NRG1: variants seen among roughly 807,000 people sequenced by gnomAD.
NRG1 encodes the protein neuregulin 1.
A neutral mutation model predicts 63.8 loss-of-function variants in NRG1; 18 were observed. That is an observed-to-expected ratio of 0.28 (90% CI 0.19 to 0.42). The LOEUF (loss-of-function observed/expected upper bound fraction) is 0.42, where lower values mean the gene tolerates loss of function less well. Ranked by LOEUF, NRG1 falls within the 10% of genes least tolerant of loss-of-function variation. The pLI is 1.00. For synonymous variants in NRG1, 302 were observed against 301.3 expected (o/e 1.00, Z -0.02); for missense variants, 762 against 814.7 (o/e 0.94, Z 0.79).
chr8:31,972,473 T>A (rs781586908), intron 1 of NRG1, among the ~76,000 whole-genome samples: 1 of 152,180 alleles, frequency 6.6e-6, no homozygotes, highest in Non-Finnish European at 1.5e-5. Context: ...CAAGAACCTC[T>A]CATATCTCAG....
chr8:32,648,492 T>C, intron 5 of NRG1: 2 of 1,449,964 alleles, frequency 1.4e-6, no homozygotes, highest in Non-Finnish European at 1.8e-6. Context: ...TGCCTGGTTT[T>C]GTTTAAGCAA....
chr8:32,201,642 G>A (rs1016061174), intron 1 of NRG1, among the ~76,000 whole-genome samples: 3 of 152,164 alleles, frequency 2.0e-5, no homozygotes, highest in African/African-American at 4.8e-5. Flanking sequence ...GTGCTTCTAA[G>A]TATCTTTGTT....
intron 5 of NRG1, among the ~76,000 whole-genome samples, chr8:32,632,025 T>C (rs568631932): frequency 1.3e-5 from 2 of 152,302 alleles, no homozygotes; most frequent in East Asian, 1.9e-4. Context: ...AATAAGTTAA[T>C]AGCAAAGTAA....
At chr8:32,646,561 C>T (rs1853584615) in intron 5 of NRG1, among the ~76,000 whole-genome samples, 1 of 152,104 alleles carries the variant, frequency 6.6e-6, no homozygotes, top group Non-Finnish European at 1.5e-5. Context: ...CCACCCCATC[C>T]CCATCCCAGC....
intron 5 of NRG1, among the ~76,000 whole-genome samples, chr8:32,675,518 A>G (rs1485482152): frequency 6.6e-6 from 1 of 152,226 alleles, no homozygotes; most frequent in Non-Finnish European, 1.5e-5. Flanking sequence ...TTGTCTACAG[A>G]TAAAAACACC....
intron 1 of NRG1, among the ~76,000 whole-genome samples, chr8:32,152,846 T>C (rs767340961): frequency 7.2e-5 from 11 of 152,244 alleles, no homozygotes; most frequent in Non-Finnish European, 1.6e-4. Context: ...ATTTGCCTGC[T>C]GTGATAAATA....
chr8:32,095,543 A>G (rs1355087573), intron 1 of NRG1, among the ~76,000 whole-genome samples: 3 of 152,216 alleles, frequency 2.0e-5, no homozygotes, highest in African/African-American at 4.8e-5. Flanking sequence ...TTTATAGACC[A>G]TCTTTTTAAT....
At chr8:31,694,285 G>A (rs1809828423) in intron 1 of NRG1, among the ~76,000 whole-genome samples, 1 of 152,102 alleles carries the variant, frequency 6.6e-6, no homozygotes, top group Non-Finnish European at 1.5e-5. Context: ...TGTGGTATTC[G>A]ACACGGGTTC....
intron 7 of NRG1, among the ~76,000 whole-genome samples, chr8:32,751,856 C>G (rs1828804038): frequency 6.6e-6 from 1 of 151,640 alleles, no homozygotes; most frequent in Non-Finnish European, 1.5e-5. Context: ...GCAGCTCAAT[C>G]TATTCTTCTG....
chr8:31,793,844 C>T (rs931873023), intron 1 of NRG1, among the ~76,000 whole-genome samples: 1 of 152,126 alleles, frequency 6.6e-6, no homozygotes, highest in African/African-American at 2.4e-5. Flanking sequence ...CTTTCCAGTA[C>T]CACCTTTGAA....
At chr8:32,008,179 G>T (rs78934790) in intron 1 of NRG1, among the ~76,000 whole-genome samples, 5,435 of 152,078 alleles carry the variant, frequency 0.036, 311 homozygotes, top group African/African-American at 0.12. Flanking sequence ...TAGTGAAGAA[G>T]AGTGTCGGCT....
chr8:32,705,406 C>CGTAAT (rs1816133122), intron 5 of NRG1, among the ~76,000 whole-genome samples: 1 of 152,194 alleles, frequency 6.6e-6, no homozygotes, highest in African/African-American at 2.4e-5. Flanking sequence ...GCTGAGATTA[C>CGTAAT]AGGCGTGAGC....
At chr8:32,070,784 A>G (rs1825645415) in intron 1 of NRG1, among the ~76,000 whole-genome samples, 2 of 152,212 alleles carry the variant, frequency 1.3e-5, no homozygotes, top group Admixed American at 1.3e-4. Flanking sequence ...ATCAGACCAT[A>G]AGGGCCTCTT....
intron 1 of NRG1, among the ~76,000 whole-genome samples, chr8:32,164,702 G>A (rs115072448): frequency 0.012 from 1,822 of 152,248 alleles, 42 homozygotes; most frequent in African/African-American, 0.041. Context: ...GATAAATTTA[G>A]CAATTAAAAA....
At chr8:32,400,494 A>G (rs974693985) in intron 1 of NRG1, among the ~76,000 whole-genome samples, 1 of 152,226 alleles carries the variant, frequency 6.6e-6, no homozygotes, top group African/African-American at 2.4e-5. Flanking sequence ...CGACACGAAC[A>G]GACACTTTTC....
Position 31,852,890 on chromosome 8 carries a change from TC to T in NRG1, c.37+213461del, listed in dbSNP as rs1485822383. Reference sequence around the variant, plus strand: ...GAATCCTTTCCCCATTGCTTGTTTTTCCTCAGGTTTGTCAAAGATCAGATAG... The same window carrying T: ...GAATCCTTTCCCCATTGCTTGTTTTTCTCAGGTTTGTCAAAGATCAGATAG... On this transcript the variant is annotated intron_variant, in intron 1 of 10. Coordinates refer to the NRG1 transcript ENST00000519301. Among the ~76,000 whole-genome samples, 3 of 152,352 alleles carry T rather than the reference TC, an allele frequency of 2.0e-5. No individual in the cohort carries two copies. The East Asian group carries it at 5.8e-4, about 29-fold the overall frequency.
chr8:32,509,591 G>A (rs1828936737), intron 1 of NRG1, among the ~76,000 whole-genome samples: 2 of 152,174 alleles, frequency 1.3e-5, no homozygotes, highest in South Asian at 4.1e-4. Flanking sequence ...AGGGGGAAGA[G>A]TCAAAGGTGA....
At chr8:32,687,417 TC>T (rs1810453011) in intron 5 of NRG1, among the ~76,000 whole-genome samples, 1 of 152,114 alleles carries the variant, frequency 6.6e-6, no homozygotes, top group African/African-American at 2.4e-5. Context: ...CTTGAAGTTA[TC>T]CCAAAGGTCA....
chr8:32,342,454 A>G (rs1051486854), intron 1 of NRG1, among the ~76,000 whole-genome samples: 13 of 152,138 alleles, frequency 8.5e-5, no homozygotes, highest in Admixed American at 2.6e-4. Context: ...AACACAATAC[A>G]TTTCCTACTG....
Sources: gnomAD v4.1 joint callset for allele counts (sites outside exome capture counted in the v4.1 genomes callset) on GRCh38, gnomAD v4.1.1 for gene constraint, MANE v1.5 for transcripts, NCBI Gene and HGNC (gene_info 2026-07-23, HGNC 2026-07-21) for gene names.